Variants in MPP4 observed in about 807,000 individuals in gnomAD.
MPP4 encodes the protein MAGUK p55 scaffold protein 4, also known as MAGUK p55 subfamily member 4.
In MPP4, 91 loss-of-function variants were observed where a neutral mutation model predicts 98.3. The observed-to-expected ratio is 0.93, with a 90% confidence interval of 0.78 to 1.10. The LOEUF (loss-of-function observed/expected upper bound fraction) is 1.10, where lower values mean the gene tolerates loss of function less well. Among genes scored for constraint, MPP4 ranks in the 50% least tolerant of loss-of-function variants. The probability of loss-of-function intolerance (pLI) is 0.00; values close to 1 mark genes in which losing one functional copy is unlikely to be tolerated. For synonymous variants in MPP4, 261 were observed against 271.8 expected (o/e 0.96, Z 0.39); for missense variants, 744 against 792.9 (o/e 0.94, Z 0.74).
At position 201,694,030 on chromosome 2, in the gene MPP4, C is replaced by T. The variant is rs1288322883; in HGVS notation, c.-76G>A. On this transcript the variant is annotated 5_prime_UTR_variant, in exon 2 of 22. Coordinates refer to ENST00000409474, the MANE Select transcript of MPP4 (RefSeq NM_033066.3). ...TACACGGCACACAGCTCACTCAGTC[C>T]CACTGGCCACCAGCTCTCAGCACAC... The T allele has an allele frequency of 6.2e-7, 1 of 1,612,530 alleles. No homozygotes were observed. Among genetic ancestry groups the T allele is most frequent in the African/African-American group, 1.3e-5 (1 of 74,852 alleles).
chr2:201,664,781 G>A (rs1170957674), intron 13 of MPP4, among the ~76,000 whole-genome samples: 1 of 152,084 alleles, frequency 6.6e-6, no homozygotes, highest in Non-Finnish European at 1.5e-5. Context: ...ATAGTTATAA[G>A]GCAATTCATT....
chr2:201,675,698 G>A (rs1052864166), intron 10 of MPP4, among the ~76,000 whole-genome samples: 3 of 152,082 alleles, frequency 2.0e-5, no homozygotes, highest in African/African-American at 4.8e-5. Flanking sequence ...CTCCTTTCTT[G>A]ATCTCTAGCA....
chr2:201,661,338 A>C (rs781340287), intron 14 of MPP4: 6 of 448,402 alleles, frequency 1.3e-5, no homozygotes, highest in Non-Finnish European at 2.7e-5. Flanking sequence ...CCGAAACTGA[A>C]GAACCTTAAC....
chr2:201,677,586 G>A (rs1375267914), intron 10 of MPP4, among the ~76,000 whole-genome samples: 3 of 152,122 alleles, frequency 2.0e-5, no homozygotes, highest in Non-Finnish European at 4.4e-5. Context: ...CTTATAAAGA[G>A]TTTAAAAAAT....
intron 11 of MPP4, chr2:201,674,971 C>T: frequency 3.1e-6 from 2 of 648,620 alleles, no homozygotes; most frequent in Admixed American, 4.3e-5. Context: ...ATGATTTCGT[C>T]TCTGATCCAA....
At chr2:201,680,567 C>G (rs1230882794) in intron 10 of MPP4, 1 of 369,828 alleles carries the variant, frequency 2.7e-6, no homozygotes, top group African/African-American at 2.0e-5. Context: ...GGAGAGGACA[C>G]AAACATTCAG....
intron 12 of MPP4, among the ~76,000 whole-genome samples, chr2:201,669,088 T>TTGTGTGTGTGTG (rs770178008): frequency 7.1e-6 from 1 of 141,566 alleles, no homozygotes; most frequent in East Asian, 2.1e-4. Flanking sequence ...GCATCTTGCT[T>TTGTGTGTGTGTG]TGTGTGTGTG....
intron 3 of MPP4, among the ~76,000 whole-genome samples, chr2:201,691,955 G>T (rs954113578): frequency 6.6e-6 from 1 of 152,218 alleles, no homozygotes; most frequent in Non-Finnish European, 1.5e-5. Flanking sequence ...AGGACAAACG[G>T]TTGTAGCCAG....
At chr2:201,678,462 C>T (rs899823386) in intron 10 of MPP4, among the ~76,000 whole-genome samples, 2 of 152,208 alleles carry the variant, frequency 1.3e-5, no homozygotes, top group East Asian at 3.9e-4. Context: ...CAGCCCAACT[C>T]TCCCTGTGGT....
intron 18 of MPP4, chr2:201,651,443 C>T: frequency 1.0e-6 from 1 of 985,416 alleles, no homozygotes; most frequent in Non-Finnish European, 1.2e-6. Flanking sequence ...CCCAAGATGA[C>T]TCCTCCTTTG....
intron 11 of MPP4, among the ~76,000 whole-genome samples, chr2:201,672,905 GAC>G (rs1334144127): frequency 2.6e-5 from 4 of 152,062 alleles, no homozygotes; most frequent in Non-Finnish European, 5.9e-5. Flanking sequence ...ACCTGGCAGA[GAC>G]ACACACACAA....
At chr2:201,651,797 T>C (rs1443470188) in intron 18 of MPP4, 3 of 378,578 alleles carry the variant, frequency 7.9e-6, no homozygotes, top group Non-Finnish European at 1.1e-5. Context: ...CTACTAAAAA[T>C]ACAAAAATTA....
intron 21 of MPP4, among the ~76,000 whole-genome samples, chr2:201,646,355 TG>T (rs147898243): frequency 0.02 from 3,112 of 152,288 alleles, 129 homozygotes; most frequent in African/African-American, 0.071. Flanking sequence ...TATTGTGAAA[TG>T]TTCATTTAAT....
chr2:201,651,167 A>T, intron 18 of MPP4: 8 of 985,466 alleles, frequency 8.1e-6, no homozygotes, highest in Non-Finnish European at 9.6e-6. Flanking sequence ...GATGAAATAG[A>T]TCAACATCTG....
chr2:201,669,701 A>G (rs780631915), intron 12 of MPP4, 32 bp downstream of exon 12: 5 of 1,383,502 alleles, frequency 3.6e-6, no homozygotes, highest in Admixed American at 3.0e-5. Flanking sequence ...GACTTTGGAG[A>G]TAAGAGTTTT....
rs1163499750 is a variant in MPP4 at position 201,650,173 on chromosome 2, A to T, written c.1382-8T>A. On this transcript the variant is annotated splice_polypyrimidine_tract_variant and splice_region_variant and intron_variant, in intron 18 of 21. Transcript: ENST00000409474. ...TTTTAGTACGAGTAGTGTCTATCAGAAAAAGGGAATGAAAGGTTTCAGTGT... is the reference window on the plus strand; with the variant it reads ...TTTTAGTACGAGTAGTGTCTATCAGTAAAAGGGAATGAAAGGTTTCAGTGT... The T allele has an allele frequency of 6.4e-7, 1 of 1,556,026 alleles. No individual in the cohort carries two copies. Among genetic ancestry groups the T allele is most frequent in the African/African-American group, 1.4e-5 (1 of 73,788 alleles).
At chr2:201,650,647 T>C (rs1181518041) in intron 18 of MPP4, 2 of 985,238 alleles carry the variant, frequency 2.0e-6, no homozygotes, top group Non-Finnish European at 2.4e-6. Flanking sequence ...TTCATAAGAC[T>C]GATGAAAAGC....
chr2:201,652,385 T>C (rs1282408787), intron 18 of MPP4, among the ~76,000 whole-genome samples: 2 of 151,928 alleles, frequency 1.3e-5, no homozygotes, highest in African/African-American at 4.8e-5. Context: ...CTTGAACTCA[T>C]GGGGCAGAGG....
rs1221923967 is a variant in MPP4 at position 201,654,819 on chromosome 2, A to G, written c.1381+18T>C. ...TTTACCAAAACACAAACCATTATGA[A>G]AGCAGAACTAAACATACGTGGCACA... On this transcript the variant is annotated intron_variant, in intron 18 of 21. Coordinates refer to ENST00000409474, the MANE Select transcript of MPP4 (RefSeq NM_033066.3). The G allele has an allele frequency of 6.4e-7, 1 of 1,574,490 alleles. No individual in the cohort carries two copies. Among genetic ancestry groups the G allele is most frequent in the Non-Finnish European group, 8.6e-7 (1 of 1,157,084 alleles).
Sources: gnomAD v4.1 joint callset for allele counts (sites outside exome capture counted in the v4.1 genomes callset) on GRCh38, gnomAD v4.1.1 for gene constraint, MANE v1.5 for transcripts, NCBI Gene and HGNC (gene_info 2026-07-23, HGNC 2026-07-21) for gene names.